Variants in MYT1L observed in about 807,000 individuals in gnomAD.
The protein encoded by MYT1L is myelin transcription factor 1 like.
MYT1L carries 12 observed loss-of-function variants against 126.7 expected under a neutral mutation model. The ratio of observed to expected loss-of-function variants is 0.09; its 90% CI spans 0.06 to 0.15. MYT1L has a LOEUF of 0.15. MYT1L is among the 10% of genes least tolerant of loss of function. MYT1L has a pLI of 1.00. For missense variants in MYT1L, 979 were observed against 1,585.2 expected (o/e 0.62, Z 6.49); for synonymous variants, 541 against 604.2 (o/e 0.90, Z 1.53).
intron 4 of MYT1L, among the ~76,000 whole-genome samples, chr2:2,022,848 C>T (rs2065169720): frequency 1.3e-5 from 2 of 152,202 alleles, no homozygotes; most frequent in African/African-American, 4.8e-5. Context: ...GGGTCACCTG[C>T]CTACCTGCGA....
intron 3 of MYT1L, among the ~76,000 whole-genome samples, chr2:2,079,348 T>C: frequency 6.6e-6 from 1 of 152,156 alleles, no homozygotes. Flanking sequence ...AATTAAAGAT[T>C]GAAATAAATG....
At chr2:2,231,861 T>C (rs1474519380) in intron 2 of MYT1L, among the ~76,000 whole-genome samples, 1 of 152,196 alleles carries the variant, frequency 6.6e-6, no homozygotes. Flanking sequence ...AGTCTTATAT[T>C]TAGTCTTTGC....
chr2:2,275,202 A>ATGTGTGTGTG (rs10522538), intron 2 of MYT1L, among the ~76,000 whole-genome samples: 3,088 of 139,494 alleles, frequency 0.022, 58 homozygotes, highest in Non-Finnish European at 0.029. Context: ...TAATAATAAA[A>ATGTGTGTGTG]TGTGTGTGTG....
At chr2:2,107,307 C>G (rs573636939) in intron 3 of MYT1L, among the ~76,000 whole-genome samples, 3 of 152,328 alleles carry the variant, frequency 2.0e-5, no homozygotes, top group African/African-American at 7.2e-5. Context: ...CTTGCCAAAC[C>G]TGGCCCACAG....
At chr2:1,799,647 C>T (rs1482398959) in intron 23 of MYT1L, among the ~76,000 whole-genome samples, 4 of 152,218 alleles carry the variant, frequency 2.6e-5, no homozygotes, top group Non-Finnish European at 5.9e-5. Flanking sequence ...TCAGAGAGTG[C>T]CCCAAAAGGT....
chr2:1,877,797 T>TAAAAAA (rs67706403), intron 18 of MYT1L, among the ~76,000 whole-genome samples: 6,495 of 150,452 alleles, frequency 0.043, 168 homozygotes, highest in African/African-American at 0.061. Flanking sequence ...TCCTAAATTG[T>TAAAAAA]AGAAAAAAAA....
At chr2:2,063,634 G>A (rs1034070832) in intron 3 of MYT1L, among the ~76,000 whole-genome samples, 8 of 152,216 alleles carry the variant, frequency 5.3e-5, no homozygotes, top group Non-Finnish European at 8.8e-5. Context: ...ACCTGCGGTC[G>A]GGAGTTTGAG....
intron 1 of MYT1L, chr2:2,303,714 C>T (rs1194896039): frequency 1.3e-5 from 2 of 152,250 alleles, no homozygotes; most frequent in Admixed American, 6.6e-5. Context: ...ACGTTTAACA[C>T]CAAACAAACC....
chr2:2,104,526 C>T (rs1016318316), intron 3 of MYT1L, among the ~76,000 whole-genome samples: 7 of 152,218 alleles, frequency 4.6e-5, no homozygotes, highest in African/African-American at 7.2e-5. Context: ...GGCTGGAGAA[C>T]GGCACAAGGC....
At chr2:2,050,197 C>T (rs1177969223) in intron 4 of MYT1L, among the ~76,000 whole-genome samples, 1 of 152,066 alleles carries the variant, frequency 6.6e-6, no homozygotes, top group Non-Finnish European at 1.5e-5. Flanking sequence ...TAGAGATTTG[C>T]CCAAAAACAA....
chr2:1,867,693 T>C (rs1412513332), intron 18 of MYT1L, among the ~76,000 whole-genome samples: 1 of 152,160 alleles, frequency 6.6e-6, no homozygotes, highest in Non-Finnish European at 1.5e-5. Flanking sequence ...TATGCCTCTG[T>C]CTGCAATTCC....
At chr2:2,109,750 T>C (rs2079152457) in intron 3 of MYT1L, among the ~76,000 whole-genome samples, 1 of 151,006 alleles carries the variant, frequency 6.6e-6, no homozygotes, top group Non-Finnish European at 1.5e-5. Context: ...GGCCACTTGA[T>C]GATGTAAATG....
intron 8 of MYT1L, among the ~76,000 whole-genome samples, chr2:1,967,989 G>A (rs1419745356): frequency 6.6e-6 from 1 of 152,196 alleles, no homozygotes; most frequent in Admixed American, 6.5e-5. Context: ...CACCCCAGGA[G>A]GGGAGGAGGG....
At position 2,224,217 on chromosome 2, in the gene MYT1L, C is replaced by T. The variant is rs961762048; in HGVS notation, c.-420-51229G>A. Among the ~76,000 whole-genome samples, 7 of 152,130 alleles carry T rather than the reference C, an allele frequency of 4.6e-5. No individual in the cohort carries two copies. Among genetic ancestry groups the T allele is most frequent in the South Asian group, 2.1e-4 (1 of 4,830 alleles). On this transcript the variant is annotated intron_variant, in intron 2 of 24. Coordinates refer to ENST00000647738, the MANE Select transcript of MYT1L (RefSeq NM_001303052.2). This position sits in a 1 kb window ranked among gnomAD's most constrained non-coding sequence, Gnocchi z 4.0. ...TTTCTTATAGGGAAGAATTCTGTGACGAGTTGGCCCCTCCTTGCCCATCTG... is the reference window on the plus strand; with the variant it reads ...TTTCTTATAGGGAAGAATTCTGTGATGAGTTGGCCCCTCCTTGCCCATCTG...
intron 2 of MYT1L, among the ~76,000 whole-genome samples, chr2:2,256,077 G>C (rs1410545279): frequency 6.6e-6 from 1 of 152,200 alleles, no homozygotes; most frequent in Non-Finnish European, 1.5e-5. Flanking sequence ...GGAGATTACT[G>C]TTAATCACCT....
chr2:2,262,049 G>A (rs2094981615), intron 2 of MYT1L, among the ~76,000 whole-genome samples: 1 of 152,174 alleles, frequency 6.6e-6, no homozygotes, highest in African/African-American at 2.4e-5. Flanking sequence ...GGGTGCAATT[G>A]AGACACCCCT....
intron 4 of MYT1L, among the ~76,000 whole-genome samples, chr2:2,011,547 A>G (rs2149762228): frequency 6.6e-6 from 1 of 152,310 alleles, no homozygotes; most frequent in Admixed American, 6.5e-5. Context: ...ATTTTAAAAA[A>G]CAGACTTTTG....
intron 21 of MYT1L, among the ~76,000 whole-genome samples, chr2:1,818,139 G>T (rs2148108215): frequency 6.6e-6 from 1 of 152,332 alleles, no homozygotes; most frequent in African/African-American, 2.4e-5. Context: ...GAACATTACA[G>T]TTGGAAATAA....
intron 3 of MYT1L, among the ~76,000 whole-genome samples, chr2:2,118,927 A>G (rs2080584171): frequency 6.6e-6 from 1 of 152,280 alleles, no homozygotes; most frequent in Non-Finnish European, 1.5e-5. Flanking sequence ...GAGAACAGTG[A>G]CGGAATTAAG....
Sources: gnomAD v4.1 joint callset for allele counts (sites outside exome capture counted in the v4.1 genomes callset) on GRCh38, gnomAD v4.1.1 for gene constraint, Gnocchi (gnomAD v3.1) non-coding constraint, MANE v1.5 for transcripts, NCBI Gene and HGNC (gene_info 2026-07-23, HGNC 2026-07-21) for gene names.